The following PSPC1 variants were observed in gnomAD, a reference collection of about 807,000 sequenced individuals.
PSPC1 encodes paraspeckle protein 1.
PSPC1 carries 14 observed loss-of-function variants against 51.6 expected under a neutral mutation model. That is an observed-to-expected ratio of 0.27 (90% confidence interval 0.18 to 0.42). PSPC1 has a LOEUF of 0.42. Among genes scored for constraint, PSPC1 ranks in the 10% least tolerant of loss-of-function variants. The pLI, the probability that PSPC1 is intolerant of heterozygous loss-of-function variation, is 1.00. For missense variants in PSPC1, 406 were observed against 701.1 expected (o/e 0.58, Z 4.75); for synonymous variants, 193 against 231.9 (o/e 0.83, Z 1.53).
At chr13:19,775,058 G>A (rs1377462012) in intron 1 of PSPC1, among the ~76,000 whole-genome samples, 1 of 151,852 alleles carries the variant, frequency 6.6e-6, no homozygotes, top group East Asian at 1.9e-4. Context: ...AACTAAATAG[G>A]CTGGGCGCAG....
chr13:19,706,578 T>A (rs1471467778), intron 7 of PSPC1, among the ~76,000 whole-genome samples: 1 of 152,148 alleles, frequency 6.6e-6, no homozygotes, highest in Non-Finnish European at 1.5e-5. Flanking sequence ...AGTTTTTTCA[T>A]TAAAAAAATC....
chr13:19,716,749 A>C (rs926095679), intron 6 of PSPC1, among the ~76,000 whole-genome samples: 1 of 152,218 alleles, frequency 6.6e-6, no homozygotes, highest in African/African-American at 2.4e-5. Context: ...ATTCCTAAAA[A>C]TAAATTCCCT....
chr13:19,769,175 G>A (rs1350281217), intron 2 of PSPC1, among the ~76,000 whole-genome samples: 1 of 150,818 alleles, frequency 6.6e-6, no homozygotes. Context: ...AATAGGCTGG[G>A]CGCGGTGGCT....
intron 4 of PSPC1, among the ~76,000 whole-genome samples, chr13:19,743,149 GT>G (rs1885604318): frequency 6.6e-6 from 1 of 152,162 alleles, no homozygotes; most frequent in Non-Finnish European, 1.5e-5. Context: ...AAATCTTTGT[GT>G]GTGATTTTGT....
At chr13:19,749,029 G>C (rs1886269778) in intron 4 of PSPC1, among the ~76,000 whole-genome samples, 1 of 151,644 alleles carries the variant, frequency 6.6e-6, no homozygotes, top group Admixed American at 6.6e-5. Flanking sequence ...GGCCAACATG[G>C]AGAAATCCCA....
At chr13:19,677,970 T>G in intron 6 of PSPC1, 1 of 339,330 alleles carries the variant, frequency 2.9e-6, no homozygotes, top group Non-Finnish European at 5.8e-6. Context: ...TTATTTCCAT[T>G]CAGTAAGGAT....
chr13:19,699,676 C>A (rs1879667870), downstream of PSPC1, among the ~76,000 whole-genome samples: 1 of 121,408 alleles, frequency 8.2e-6, no homozygotes, highest in Admixed American at 9.3e-5. Flanking sequence ...ATTTAAGGGA[C>A]AAGTAACATC....
Position 19,752,922 on chromosome 13 carries a change from T to C in PSPC1, c.771-1455A>G, listed in dbSNP as rs531091631. On this transcript the variant is annotated intron_variant, in intron 3 of 8. Coordinates refer to ENST00000338910, the MANE Select transcript of PSPC1 (RefSeq NM_001354909.2). ...TTTTAAGAATTTTTGTTGTTGGAGG[T>C]GTTGCTTTGGGTTTTTCTGAGATAG... is the stretch of plus-strand genomic sequence containing the variant. Among the ~76,000 whole-genome samples, 8 of 151,312 alleles carry C rather than the reference T, an allele frequency of 5.3e-5. No individual in the cohort carries two copies. The East Asian group carries it at 1.6e-3, about 30-fold the overall frequency.
intron 1 of PSPC1, among the ~76,000 whole-genome samples, chr13:19,776,165 A>G (rs1466872651): frequency 6.6e-6 from 1 of 152,176 alleles, no homozygotes; most frequent in Non-Finnish European, 1.5e-5. Context: ...ATTTGTCAAA[A>G]TTCACAAACC....
chr13:19,729,910 G>T (rs932930554), intron 6 of PSPC1, among the ~76,000 whole-genome samples: 1 of 152,078 alleles, frequency 6.6e-6, no homozygotes, highest in Non-Finnish European at 1.5e-5. Context: ...CCAAAATAGA[G>T]ATGTTTCAAT....
intron 6 of PSPC1, among the ~76,000 whole-genome samples, chr13:19,694,285 A>G (rs1565965574): frequency 6.6e-6 from 1 of 152,124 alleles, no homozygotes; most frequent in Non-Finnish European, 1.5e-5. Context: ...GATTACAATC[A>G]TTGAAAGGAA....
At position 19,761,852 on chromosome 13, in the gene PSPC1, C is replaced by T. The variant is rs955905907; in HGVS notation, c.675-2434G>A. Among the ~76,000 whole-genome samples the T allele has an allele frequency of 3.3e-5, 5 of 152,142 alleles. No individual in the cohort carries two copies. In the East Asian group the frequency reaches 5.8e-4, roughly 18 times the overall value. On this transcript the variant is annotated intron_variant, in intron 2 of 8. Coordinates refer to ENST00000338910, the MANE Select transcript of PSPC1 (RefSeq NM_001354909.2). ...TAACAGAATCAGATAAAAGGTGCAC[C>T]TGAGCAGAGGCCAACAAAGAAACAA...
At chr13:19,674,278 G>C (rs1876368535), downstream of PSPC1, among the ~76,000 whole-genome samples, 1 of 152,152 alleles carries the variant, frequency 6.6e-6, no homozygotes, top group African/African-American at 2.4e-5. Flanking sequence ...TAGGGATTCT[G>C]ATAATGTTGA....
Position 19,735,510 on chromosome 13 carries a change from A to G in PSPC1, c.1053-5166T>C, listed in dbSNP as rs541594892. 8.5e-5 allele frequency among the ~76,000 whole-genome samples: 13 copies of G among 152,336 alleles called. No individual in the cohort carries two copies. In the South Asian group the frequency reaches 2.5e-3, roughly 29 times the overall value. On this transcript the variant is annotated intron_variant, in intron 5 of 8. Transcript: ENST00000338910. ...CCTCTGAAGAATTAAGTTACCTATG[A>G]AAAACTAAATAATTTATTTATAGCA...
At chr13:19,752,833 A>T (rs1886699981) in intron 3 of PSPC1, among the ~76,000 whole-genome samples, 1 of 150,882 alleles carries the variant, frequency 6.6e-6, no homozygotes, top group Non-Finnish European at 1.5e-5. Context: ...TGATCCACCC[A>T]TCTCGGTCTC....
intron 3 of PSPC1, among the ~76,000 whole-genome samples, chr13:19,754,578 T>A (rs369304330): frequency 6.6e-6 from 1 of 151,138 alleles, no homozygotes; most frequent in Non-Finnish European, 1.5e-5. Flanking sequence ...TAGCTGGGAT[T>A]ACAGGTGCAC....
At chr13:19,711,312 G>A (rs1170981983) in intron 6 of PSPC1, among the ~76,000 whole-genome samples, 1 of 152,146 alleles carries the variant, frequency 6.6e-6, no homozygotes, top group Non-Finnish European at 1.5e-5. Context: ...CTGAGGTCAG[G>A]AGTTCAAGAC....
intron 1 of PSPC1, 36 bp from the exon 2 acceptor site, chr13:19,772,579 A>G: frequency 6.5e-7 from 1 of 1,545,664 alleles, no homozygotes. Context: ...AAAAGATGAC[A>G]GTAACAGAAA....
intron 4 of PSPC1, among the ~76,000 whole-genome samples, chr13:19,748,647 A>G (rs1886236297): frequency 6.6e-6 from 1 of 152,016 alleles, no homozygotes; most frequent in African/African-American, 2.4e-5. Context: ...GTGCTAAATT[A>G]GTGAATGTTA....
Sources: allele counts gnomAD v4.1 joint callset (sites outside exome capture counted in the v4.1 genomes callset), GRCh38; gene constraint gnomAD v4.1.1; transcripts MANE v1.5; gene names NCBI Gene and HGNC (gene_info 2026-07-23, HGNC 2026-07-21).